The following PRKAG2 variants were observed in gnomAD, a reference collection of about 807,000 sequenced individuals.
PRKAG2 encodes the protein protein kinase AMP-activated non-catalytic subunit gamma 2.
Under a neutral mutation model 69.6 loss-of-function variants are expected in PRKAG2, and 26 were observed. That is an observed-to-expected ratio of 0.37 (90% CI 0.27 to 0.52). PRKAG2 has a LOEUF of 0.52. PRKAG2 is among the 20% of genes least tolerant of loss of function. The probability of loss-of-function intolerance (pLI) is 0.90; values close to 1 mark genes in which losing one functional copy is unlikely to be tolerated. For synonymous variants in PRKAG2, 293 were observed against 285.0 expected (o/e 1.03, Z -0.28); for missense variants, 557 against 740.0 (o/e 0.75, Z 2.87).
intron 8 of PRKAG2, among the ~76,000 whole-genome samples, chr7:151,572,939 C>G (rs1199823211): frequency 1.3e-5 from 2 of 151,984 alleles, no homozygotes; most frequent in Non-Finnish European, 2.9e-5. Context: ...ATGGTGAGAC[C>G]TCATCTGTAC....
At chr7:151,710,431 C>T (rs570833809) in intron 3 of PRKAG2, among the ~76,000 whole-genome samples, 1 of 152,316 alleles carries the variant, frequency 6.6e-6, no homozygotes, top group African/African-American at 2.4e-5. Flanking sequence ...CACACTGAGG[C>T]CACATGAACC....
intron 4 of PRKAG2, among the ~76,000 whole-genome samples, chr7:151,653,887 A>G (rs1002557659): frequency 6.6e-6 from 1 of 152,188 alleles, no homozygotes; most frequent in Non-Finnish European, 1.5e-5. Flanking sequence ...CTCGCTGCAG[A>G]TAAGCCCAAT....
intron 6 of PRKAG2, among the ~76,000 whole-genome samples, chr7:151,586,267 C>A (rs1046121562): frequency 6.6e-6 from 1 of 152,170 alleles, no homozygotes. Flanking sequence ...GGAATCCAGA[C>A]GTGCCTGTCA....
intron 15 of PRKAG2, chr7:151,559,649 A>G: frequency 2.0e-6 from 2 of 985,272 alleles, no homozygotes; most frequent in Non-Finnish European, 2.4e-6. Context: ...TTTGGGTTAC[A>G]GACTTAATTG....
Position 151,627,575 on chromosome 7 carries a change from G to A in PRKAG2, c.754+4494C>T, listed in dbSNP as rs556277529. On this transcript the variant is annotated intron_variant, in intron 5 of 15. Coordinates refer to ENST00000287878, the MANE Select transcript of PRKAG2 (RefSeq NM_016203.4). Reference sequence around the variant, plus strand: ...TGGGAGGCAGAGGTTGCCGTGAACCGAGATTGTACCACTGCACTCCAGCCT... The same window carrying A: ...TGGGAGGCAGAGGTTGCCGTGAACCAAGATTGTACCACTGCACTCCAGCCT... Among the ~76,000 whole-genome samples, 8 of 152,252 alleles carry A rather than the reference G, an allele frequency of 5.3e-5. No homozygotes were observed. The South Asian group carries it at 6.2e-4, about 12-fold the overall frequency.
At chr7:151,863,020 G>A (rs1453434166) in intron 1 of PRKAG2, among the ~76,000 whole-genome samples, 1 of 147,400 alleles carries the variant, frequency 6.8e-6, no homozygotes, top group Non-Finnish European at 1.5e-5. Flanking sequence ...TAGACCCCAG[G>A]TGCAGGGGGC....
intron 3 of PRKAG2, among the ~76,000 whole-genome samples, chr7:151,748,335 A>G (rs1386458857): frequency 6.6e-6 from 1 of 152,220 alleles, no homozygotes; most frequent in Non-Finnish European, 1.5e-5. Flanking sequence ...TTAAAATTTC[A>G]TAGAGGTTAT....
intron 9 of PRKAG2, 140 bp from the exon 10 acceptor site, chr7:151,570,365 A>C: frequency 1.1e-6 from 1 of 946,710 alleles, no homozygotes; most frequent in Non-Finnish European, 1.5e-6. Context: ...AATTTGCCTA[A>C]AACTCCTGTG....
intron 3 of PRKAG2, among the ~76,000 whole-genome samples, chr7:151,762,356 C>T (rs2075465947): frequency 6.6e-6 from 1 of 152,160 alleles, no homozygotes. Context: ...AGTATTGACA[C>T]ACGTACTCAC....
At chr7:151,769,372 G>A (rs1248014385) in intron 3 of PRKAG2, among the ~76,000 whole-genome samples, 1 of 152,226 alleles carries the variant, frequency 6.6e-6, no homozygotes, top group South Asian at 2.1e-4. Context: ...AGTTGAGGTC[G>A]CAGTGGAGTA....
At chr7:151,677,671 G>T (rs1470458001) in intron 3 of PRKAG2, among the ~76,000 whole-genome samples, 1 of 152,220 alleles carries the variant, frequency 6.6e-6, no homozygotes, top group Non-Finnish European at 1.5e-5. Flanking sequence ...AACTGTAACA[G>T]ACCATAGCCT....
intron 4 of PRKAG2, among the ~76,000 whole-genome samples, chr7:151,644,002 G>C (rs1400534252): frequency 6.6e-6 from 1 of 152,202 alleles, no homozygotes; most frequent in Non-Finnish European, 1.5e-5. Flanking sequence ...AACATTGTGT[G>C]TTCTCACTGA....
At chr7:151,688,491 G>A (rs1054490072) in intron 3 of PRKAG2, among the ~76,000 whole-genome samples, 1 of 152,180 alleles carries the variant, frequency 6.6e-6, no homozygotes, top group Non-Finnish European at 1.5e-5. Flanking sequence ...AGGGTCCAGT[G>A]GCTGCGAGGC....
intron 1 of PRKAG2, among the ~76,000 whole-genome samples, chr7:151,794,584 ATC>A (rs1206791955): frequency 2.0e-5 from 3 of 152,250 alleles, no homozygotes; most frequent in Admixed American, 2.0e-4. Context: ...CAAAGGCATC[ATC>A]ACCAGGGCAG....
At chr7:151,579,462 A>G (rs188393704) in intron 6 of PRKAG2, among the ~76,000 whole-genome samples, 1 of 152,352 alleles carries the variant, frequency 6.6e-6, no homozygotes, top group East Asian at 1.9e-4. Context: ...CCTATGCCAG[A>G]AAGTTCTGAG....
At chr7:151,558,637 A>T (rs1216578982) in intron 15 of PRKAG2, 1 of 972,602 alleles carries the variant, frequency 1.0e-6, no homozygotes, top group East Asian at 1.1e-4. Flanking sequence ...TAATCCAGTT[A>T]TTAGTAACAC....
intron 10 of PRKAG2, 133 bp downstream of exon 10, chr7:151,570,038 A>G: frequency 9.8e-7 from 1 of 1,021,758 alleles, no homozygotes; most frequent in South Asian, 1.5e-5. Context: ...GAATGCGTAC[A>G]GTGTAGCTGG....
At chr7:151,651,336 G>T (rs563067107) in intron 4 of PRKAG2, among the ~76,000 whole-genome samples, 1 of 152,342 alleles carries the variant, frequency 6.6e-6, no homozygotes, top group Admixed American at 6.5e-5. Flanking sequence ...GCTGGGCACG[G>T]TGGCTCATGC....
intron 5 of PRKAG2, among the ~76,000 whole-genome samples, chr7:151,627,851 A>G (rs936476008): frequency 3.0e-4 from 46 of 152,112 alleles, no homozygotes; most frequent in Non-Finnish European, 5.4e-4. Flanking sequence ...TTTTATAAAG[A>G]CGGGGTCTCA....
Sources: allele counts gnomAD v4.1 joint callset (sites outside exome capture counted in the v4.1 genomes callset), GRCh38; gene constraint gnomAD v4.1.1; transcripts MANE v1.5; gene names NCBI Gene and HGNC (gene_info 2026-07-23, HGNC 2026-07-21).